XKR9: variants seen among roughly 807,000 people sequenced by gnomAD.
The protein encoded by XKR9 is XK related 9.
A neutral mutation model predicts 32.0 loss-of-function variants in XKR9; 32 were observed. That is an observed-to-expected ratio of 1.00 (90% CI 0.76 to 1.34). XKR9 has a LOEUF of 1.34. XKR9 is among the 40% of genes most tolerant of loss of function. The probability of loss-of-function intolerance (pLI) is 0.00; values close to 1 mark genes in which losing one functional copy is unlikely to be tolerated. For synonymous variants in XKR9, 168 were observed against 143.4 expected (o/e 1.17, Z -1.22); for missense variants, 546 against 429.7 (o/e 1.27, Z -2.39).
chr8:70,755,472 T>C (rs58127265), intron 2 of XKR9, among the ~76,000 whole-genome samples: 61,166 of 151,868 alleles, frequency 0.4, 13,846 homozygotes, highest in Non-Finnish European at 0.52. Context: ...ATGTTTATTG[T>C]GGCATTATTC....
the XKR9 span, among the ~76,000 whole-genome samples, chr8:70,876,694 T>C: frequency 3.3e-5 from 5 of 152,154 alleles, no homozygotes; most frequent in Non-Finnish European, 4.4e-5. Context: ...AAATGAATAC[T>C]GATTTAGTAA....
intron 2 of XKR9, among the ~76,000 whole-genome samples, chr8:70,752,931 G>A (rs963122380): frequency 1.3e-5 from 2 of 152,122 alleles, no homozygotes; most frequent in African/African-American, 2.4e-5. Context: ...CAGAACTGAA[G>A]GAAATAGAGA....
chr8:70,972,116 G>A, the XKR9 span, among the ~76,000 whole-genome samples: 3 of 152,078 alleles, frequency 2.0e-5, no homozygotes, highest in Non-Finnish European at 4.4e-5. Flanking sequence ...ATTTGTTTGT[G>A]TCATCTATGA....
At chr8:70,769,105 C>A (rs1807418018) in intron 2 of XKR9, among the ~76,000 whole-genome samples, 1 of 151,832 alleles carries the variant, frequency 6.6e-6, no homozygotes, top group Admixed American at 6.6e-5. Context: ...CCTTTAGGAG[C>A]TCTTGTAAGG....
chr8:70,902,670 G>A, the XKR9 span, among the ~76,000 whole-genome samples: 1 of 152,136 alleles, frequency 6.6e-6, no homozygotes, highest in Admixed American at 6.5e-5. Flanking sequence ...CCAACACTCT[G>A]TTGAGTGGTG....
At chr8:70,892,653 G>A in the XKR9 span, among the ~76,000 whole-genome samples, 2 of 152,084 alleles carry the variant, frequency 1.3e-5, no homozygotes, top group Non-Finnish European at 2.9e-5. Context: ...CAATTTGAAT[G>A]TATCATTCCA....
chr8:70,779,671 G>T (rs1586895510), intron 2 of XKR9, among the ~76,000 whole-genome samples: 1 of 152,046 alleles, frequency 6.6e-6, no homozygotes, highest in Non-Finnish European at 1.5e-5. Flanking sequence ...CTTCTTCCTG[G>T]CTTAGTCTTG....
chr8:70,669,341 A>C lies in XKR9; in HGVS notation c.-558A>C. Reference sequence around the variant, plus strand: ...GGTGGGGGGGGCGGTGCGGAACTAGAGGTCACGTGACGCCGCGCGGGCTGC... The same window carrying C: ...GGTGGGGGGGGCGGTGCGGAACTAGCGGTCACGTGACGCCGCGCGGGCTGC... On this transcript the variant is annotated 5_prime_UTR_variant, in exon 1 of 5. Transcript: ENST00000408926. 1.9e-6 allele frequency: 1 copy of C among 539,664 alleles called. No homozygotes were observed. The highest frequency in any genetic ancestry group is 2.3e-5 in the South Asian group (1 of 43,546). The allele number at this position is 539,664 out of a possible 1,614,324, so 33.4% of individuals were successfully genotyped here. A position where few individuals can be genotyped will look rare whatever the true frequency, so the allele number is the denominator to read the frequency against.
chr8:70,717,213 T>C (rs1175126708), intron 4 of XKR9, among the ~76,000 whole-genome samples: 1 of 152,152 alleles, frequency 6.6e-6, no homozygotes, highest in Non-Finnish European at 1.5e-5. Context: ...TTAGTGGAGA[T>C]GCCATTCTGA....
intron 4 of XKR9, among the ~76,000 whole-genome samples, chr8:70,717,174 T>C (rs554511378): frequency 3.2e-4 from 49 of 152,292 alleles, no homozygotes; most frequent in African/African-American, 1.0e-3. Flanking sequence ...TGAGTGTCTG[T>C]GGTTTTCCCA....
the XKR9 span, among the ~76,000 whole-genome samples, chr8:70,913,646 C>T: frequency 6.6e-6 from 1 of 152,028 alleles, no homozygotes; most frequent in Non-Finnish European, 1.5e-5. Context: ...GTATGCTAAT[C>T]ATAAACATAC....
chr8:70,901,946 T>C, the XKR9 span, among the ~76,000 whole-genome samples: 1 of 152,176 alleles, frequency 6.6e-6, no homozygotes, highest in Non-Finnish European at 1.5e-5. Flanking sequence ...TTTTGTCAGG[T>C]TTGTCAAAGA....
chr8:70,857,429 A>C, the XKR9 span, among the ~76,000 whole-genome samples: 1 of 152,246 alleles, frequency 6.6e-6, no homozygotes, highest in African/African-American at 2.4e-5. Context: ...ACCAGGAAGA[A>C]GTTGAATCTG....
At chr8:70,955,876 T>A in the XKR9 span, among the ~76,000 whole-genome samples, 1 of 152,192 alleles carries the variant, frequency 6.6e-6, no homozygotes. Flanking sequence ...ACCAGCTCCA[T>A]GCAAAGTTGT....
At chr8:70,986,792 A>C in the XKR9 span, among the ~76,000 whole-genome samples, 1 of 152,202 alleles carries the variant, frequency 6.6e-6, no homozygotes, top group Admixed American at 6.5e-5. Flanking sequence ...CTTTTGATAG[A>C]CTTTGTCTTT....
the XKR9 span, among the ~76,000 whole-genome samples, chr8:70,842,367 C>G: frequency 1.3e-5 from 2 of 152,166 alleles, no homozygotes; most frequent in Admixed American, 6.5e-5. Flanking sequence ...CTTGCCAAGA[C>G]CTGGATTCAG....
At chr8:71,065,265 G>A in the XKR9 span, among the ~76,000 whole-genome samples, 5 of 152,170 alleles carry the variant, frequency 3.3e-5, no homozygotes, top group African/African-American at 1.2e-4. Context: ...TTAAGGTTAA[G>A]TGAGGTAAGA....
chr8:71,012,477 A>G, the XKR9 span, among the ~76,000 whole-genome samples: 6 of 152,168 alleles, frequency 3.9e-5, no homozygotes, highest in Non-Finnish European at 8.8e-5. Context: ...CACTTTTGTT[A>G]ATTCTAGCCA....
the XKR9 span, among the ~76,000 whole-genome samples, chr8:70,805,520 G>A: frequency 6.6e-6 from 1 of 152,206 alleles, no homozygotes; most frequent in Admixed American, 6.5e-5. Flanking sequence ...CCTGGGTGGG[G>A]GAAGGGCGGC....
Sources: allele counts gnomAD v4.1 joint callset (sites outside exome capture counted in the v4.1 genomes callset), GRCh38; gene constraint gnomAD v4.1.1; transcripts MANE v1.5; gene names NCBI Gene and HGNC (gene_info 2026-07-23, HGNC 2026-07-21).